Variants in LRP2 observed in about 807,000 individuals in gnomAD.
LRP2 encodes low-density lipoprotein receptor-related protein 2.
Under a neutral mutation model 531.0 loss-of-function variants are expected in LRP2, and 172 were observed. The ratio of observed to expected loss-of-function variants is 0.32; its 90% confidence interval spans 0.29 to 0.37. LRP2 has a LOEUF of 0.37. LRP2 is among the 10% of genes least tolerant of loss of function. The pLI, the probability that LRP2 is intolerant of heterozygous loss-of-function variation, is 1.00. For synonymous variants in LRP2, 1,992 were observed against 2,027.6 expected (o/e 0.98, Z 0.47); for missense variants, 5,167 against 5,868.3 (o/e 0.88, Z 3.90).
At chr2:169,315,409 A>G (rs1377847195) in intron 3 of LRP2, among the ~76,000 whole-genome samples, 1 of 152,196 alleles carries the variant, frequency 6.6e-6, no homozygotes, top group Non-Finnish European at 1.5e-5. Flanking sequence ...GTTTCCTTGA[A>G]AAAGTGACAC....
At chr2:169,184,842 C>T (rs1007226479) in intron 50 of LRP2, among the ~76,000 whole-genome samples, 3 of 152,000 alleles carry the variant, frequency 2.0e-5, no homozygotes, top group African/African-American at 7.3e-5. Context: ...GTCCCTGCAA[C>T]CTGCATCTCC....
chr2:169,315,267 T>C (rs1684727889), intron 3 of LRP2, among the ~76,000 whole-genome samples: 1 of 152,186 alleles, frequency 6.6e-6, no homozygotes, highest in African/African-American at 2.4e-5. Flanking sequence ...CTCAAGAAGC[T>C]CATAGTCTTC....
intron 1 of LRP2, among the ~76,000 whole-genome samples, chr2:169,358,898 CAA>C (rs777233354): frequency 6.0e-5 from 7 of 115,904 alleles, no homozygotes; most frequent in South Asian, 2.9e-4. Context: ...ACGATTTTCT[CAA>C]AAAAAAAAAA....
chr2:169,211,947 C>T lies in LRP2; in HGVS notation c.6280+21G>A. ...TGGTGCCAGATGAAGTCAAATCTTA[C>T]TTATATTGGAGTTGGCATACCTTGG... is the stretch of plus-strand genomic sequence containing the variant. On this transcript the variant is annotated intron_variant, in intron 37 of 78. Transcript: ENST00000649046. 2.5e-6 allele frequency: 4 copies of T among 1,613,698 alleles called. No homozygotes were observed. The African/African-American group carries it at 5.3e-5, about 22-fold the overall frequency.
intron 2 of LRP2, among the ~76,000 whole-genome samples, chr2:169,320,045 T>C (rs1193056433): frequency 6.6e-6 from 1 of 152,170 alleles, no homozygotes; most frequent in East Asian, 1.9e-4. Flanking sequence ...ATTGCAGATG[T>C]ATGATTGATC....
intron 16 of LRP2, among the ~76,000 whole-genome samples, chr2:169,267,977 C>T (rs768975940): frequency 1.3e-5 from 2 of 152,166 alleles, no homozygotes; most frequent in Non-Finnish European, 2.9e-5. Flanking sequence ...ACTGTAAATA[C>T]CTCTATGCAA....
intron 30 of LRP2, among the ~76,000 whole-genome samples, chr2:169,232,114 GAACA>G (rs1369589340): frequency 6.6e-6 from 1 of 151,882 alleles, no homozygotes; most frequent in Non-Finnish European, 1.5e-5. Flanking sequence ...ACTGGATTAC[GAACA>G]AACAGCCACT....
chr2:169,263,076 C>A (rs1245873424), intron 16 of LRP2, among the ~76,000 whole-genome samples: 1 of 152,142 alleles, frequency 6.6e-6, no homozygotes, highest in Non-Finnish European at 1.5e-5. Context: ...CTTCCTTACA[C>A]CTTATACAAA....
intron 4 of LRP2, among the ~76,000 whole-genome samples, chr2:169,298,008 T>C (rs547724155): frequency 1.1e-3 from 161 of 151,344 alleles, no homozygotes; most frequent in African/African-American, 3.6e-3. Context: ...AAATTACCGA[T>C]ACAAGTCCAG....
In LRP2 at chr2:169,294,139, T is replaced by A; in HGVS notation, c.652+9A>T. ...AACAACATGACCCAGCATAAAGAAA[T>A]CACCGTACTGCAAGCATGTTCGTCA... On this transcript the variant is annotated intron_variant, in intron 6 of 78. Coordinates refer to ENST00000649046, the MANE Select transcript of LRP2 (RefSeq NM_004525.3). The A allele has an allele frequency of 6.3e-7, 1 of 1,585,672 alleles. No homozygotes were observed. Among genetic ancestry groups the A allele is most frequent in the Non-Finnish European group, 8.7e-7 (1 of 1,154,352 alleles).
intron 3 of LRP2, among the ~76,000 whole-genome samples, chr2:169,308,923 T>G (rs1232308242): frequency 2.6e-5 from 4 of 152,100 alleles, no homozygotes; most frequent in Non-Finnish European, 5.9e-5. Context: ...TTCTAACTGG[T>G]GTGAGATGAT....
chr2:169,258,978 A>G (rs1690423173), intron 17 of LRP2, 47 bp downstream of exon 17: 3 of 1,551,386 alleles, frequency 1.9e-6, no homozygotes, highest in South Asian at 2.2e-5. Context: ...CAATGACTGT[A>G]AAAGACATAC....
At chr2:169,159,364 C>T (rs1026401186) in intron 63 of LRP2, among the ~76,000 whole-genome samples, 2 of 152,108 alleles carry the variant, frequency 1.3e-5, no homozygotes, top group African/African-American at 4.8e-5. Context: ...GATCATATCA[C>T]TATATGTGGT....
chr2:169,274,942 A>G, intron 14 of LRP2, 94 bp downstream of exon 14: 1 of 1,232,610 alleles, frequency 8.1e-7, no homozygotes, highest in East Asian at 2.4e-5. Flanking sequence ...CACCCAAATC[A>G]CATAAGACCC....
chr2:169,240,653 T>C (rs1689770284), intron 25 of LRP2: 1 of 491,044 alleles, frequency 2.0e-6, no homozygotes, highest in Non-Finnish European at 3.6e-6. Flanking sequence ...TGATTGAAAT[T>C]AGAAAATATT....
intron 50 of LRP2, among the ~76,000 whole-genome samples, chr2:169,183,792 A>T (rs1042550035): frequency 1.3e-5 from 2 of 152,234 alleles, no homozygotes; most frequent in Admixed American, 1.3e-4. Flanking sequence ...ATCAAATGCA[A>T]GGGCTTTGGA....
At chr2:169,315,809 G>C (rs1684742863) in intron 3 of LRP2, among the ~76,000 whole-genome samples, 1 of 151,956 alleles carries the variant, frequency 6.6e-6, no homozygotes, top group African/African-American at 2.4e-5. Context: ...CCAAATGAGA[G>C]ATGTTGGCAG....
chr2:169,294,413 C>G, intron 5 of LRP2, 152 bp from the exon 6 acceptor site: 1 of 759,140 alleles, frequency 1.3e-6, no homozygotes, highest in Non-Finnish European at 2.4e-6. Context: ...TATCCAGGAA[C>G]AAAAAGGCCC....
At chr2:169,326,173 C>T (rs140258260) in intron 1 of LRP2, among the ~76,000 whole-genome samples, 319 of 14,662 alleles carry the variant, frequency 0.022, no homozygotes, top group African/African-American at 0.059. Context: ...CCTCTCCCTC[C>T]CCCTCTCCCC....
Sources: gnomAD v4.1 joint callset for allele counts (sites outside exome capture counted in the v4.1 genomes callset) on GRCh38, gnomAD v4.1.1 for gene constraint, MANE v1.5 for transcripts, NCBI Gene and HGNC (gene_info 2026-07-23, HGNC 2026-07-21) for gene names.